The following CIC variants were observed in gnomAD, a reference collection of about 807,000 sequenced individuals.
CIC encodes protein capicua homolog.
Under a neutral mutation model 115.7 loss-of-function variants are expected in CIC, and 18 were observed. That is an observed-to-expected ratio of 0.16 (90% CI 0.11 to 0.23). The LOEUF (loss-of-function observed/expected upper bound fraction) is 0.23. Ranked by LOEUF, CIC falls within the 10% of genes least tolerant of loss-of-function variation. CIC has a pLI of 1.00. For synonymous variants in CIC, 1,076 were observed against 923.0 expected, an observed-to-expected ratio of 1.17 and a Z score of -3.01; for missense variants, 2,000 against 2,159.3, an observed-to-expected ratio of 0.93 and a Z score of 1.46.
rs758522775 is a variant in CIC at position 42,292,485 on chromosome 19, GGC to G, written c.5902+20_5902+21del. On this transcript the variant is annotated intron_variant, in intron 14 of 20. Coordinates refer to ENST00000681038, the MANE Select transcript of CIC (RefSeq NM_001386298.1). ...CTCTCAGGTGAGGGGCGGCCTGGCA[GGC>G]AGTGCTGGGGACCCAGGGTGGGGCT... The G allele has an allele frequency of 3.1e-6, 5 of 1,611,034 alleles. No individual in the cohort carries two copies. The African/African-American group carries it at 6.7e-5, about 22-fold the overall frequency.
chr19:42,284,432 C>A (rs905632151), intron 2 of CIC: 2 of 144,758 alleles, frequency 1.4e-5, no homozygotes, highest in Non-Finnish European at 3.1e-5. Context: ...CGTGACGGCC[C>A]CCGCGCGCGC....
rs375561179 is a variant in CIC, at chr19:42,287,496, C to T, written c.3309+47C>T. ...TGTGCTCACCCCGTGGCCACCCACA[C>T]CTGTCTGCCAGGTCCTAACTGTCCC... On this transcript the variant is annotated intron_variant, in intron 5 of 20. Coordinates refer to ENST00000681038, the MANE Select transcript of CIC (RefSeq NM_001386298.1). The surrounding 1 kb of genome is among the most constrained non-coding windows in gnomAD (Gnocchi z 8.7). The T allele has an allele frequency of 1.2e-6, 2 of 1,612,336 alleles. No homozygotes were observed. The highest frequency in any genetic ancestry group is 1.7e-6 in the Non-Finnish European group (2 of 1,180,024).
chr19:42,271,199 T>TA, intron 1 of CIC, among the ~76,000 whole-genome samples: 1 of 152,258 alleles, frequency 6.6e-6, no homozygotes, highest in South Asian at 2.1e-4. Context: ...ACAGTGCGAG[T>TA]AAATGTGCCC....
chr19:42,294,225 A>G lies in CIC; in HGVS notation c.6975A>G (p.Arg2325=), dbSNP rs545171189. Residue 2325 remains arginine (R), a synonymous_variant, in exon 19 of 21, where the codon AGA becomes AGG. Transcript: ENST00000681038. ...DPTSPKRKMR[R]RSSCSSEPNT... ...CCTCGCCCAAGCGCAAGATGAGAAG[A>G]CGCTCCAGCTGCAGCTCGGAGCCCA... The G allele has an allele frequency of 3.8e-5, 62 of 1,613,716 alleles. No homozygotes were observed. The South Asian group carries it at 6.4e-4, about 17-fold the overall frequency.
Position 42,295,026 on chromosome 19 carries a change from A to C in CIC, c.7389A>C (p.Ala2463=), listed in dbSNP as rs1406358370. ...AAAPAPTPSP[A]GGPDPTSPSS... is the part of the protein sequence containing the mutation. ...CCCCTGCCCCCACTCCCAGCCCCGC[A>C]GGGGGCCCTGACCCCACCTCACCCA... is the stretch of plus-strand genomic sequence containing the variant. Residue 2463 remains alanine (A), a synonymous_variant, in exon 21 of 21, where the codon GCA becomes GCC. Transcript: ENST00000681038. 3.9e-6 allele frequency: 6 copies of C among 1,530,470 alleles called. No individual in the cohort carries two copies. The highest frequency in any genetic ancestry group is 5.2e-6 in the Non-Finnish European group (6 of 1,150,930). 94.8% of individuals were successfully genotyped at this position (1,530,470 alleles called of 1,614,324 possible). A position where few individuals can be genotyped will look rare whatever the true frequency, so the allele number is the denominator to read the frequency against.
intron 9 of CIC, 123 bp downstream of exon 9, chr19:42,289,529 C>A: frequency 8.7e-7 from 1 of 1,148,566 alleles, no homozygotes; most frequent in Non-Finnish European, 1.3e-6. Context: ...TTTATGGTTG[C>A]ATGTGGCCAG....
rs1414627597 is a variant in CIC, at chr19:42,295,031, G to T, written c.7394G>T (p.Gly2465Val). 5 of 1,574,082 alleles carry T rather than the reference G, an allele frequency of 3.2e-6. No homozygotes were observed. The highest frequency in any genetic ancestry group is 1.8e-5 in the Admixed American group (1 of 55,872). The change falls in exon 21 of 21, where the codon GGC becomes GTC. Residue 2465 changes from glycine to valine, a missense_variant. This residue lies in a region of CIC where 133 missense variants were observed against 116.0 expected (regional missense o/e 1.15). Transcript: ENST00000681038. ...APAPTPSPAG[G>V]PDPTSPSSDS... ...GCCCCCACTCCCAGCCCCGCAGGGGGCCCTGACCCCACCTCACCCAGCTCG... is the reference window on the plus strand; with the variant it reads ...GCCCCCACTCCCAGCCCCGCAGGGGTCCCTGACCCCACCTCACCCAGCTCG...
At chr19:42,288,137 C>T (rs961948169) in intron 7 of CIC, among the ~76,000 whole-genome samples, 162 bp downstream of exon 7, 10 of 146,444 alleles carry the variant, frequency 6.8e-5, no homozygotes, top group Non-Finnish European at 3.0e-5. Flanking sequence ...ATTCATGTGA[C>T]GGAGCCAGGG....
rs1291151509 is a variant in CIC, at chr19:42,272,162, G to A, written c.379G>A (p.Gly127Arg). The A allele has an allele frequency of 5.0e-6, 2 of 398,928 alleles. No individual in the cohort carries two copies. The highest frequency in any genetic ancestry group is 8.8e-6 in the Non-Finnish European group (2 of 226,386). 24.7% of individuals were successfully genotyped at this position (398,928 alleles called of 1,614,324 possible). Reference protein sequence around the residue: ...APKKKYVEEHGAGSSGVAGAP... With the variant: ...APKKKYVEEHRAGSSGVAGAP... ...CAAGAAGAAGTATGTGGAGGAGCAC[G>A]GAGCTGGCAGCAGTGGGGTGGCTGG... is the stretch of plus-strand genomic sequence containing the variant. The change falls in exon 2 of 21, where the codon GGA becomes AGA. Residue 127 changes from glycine (G) to arginine (R), a missense_variant. Gly to Arg is a moderately radical substitution (Grantham distance 125, BLOSUM62 -2). Around this residue, in one of 8 missense-constraint regions of CIC, gnomAD observed 222 missense variants for 247.7 expected, o/e 0.90. Transcript: ENST00000681038.
Position 42,294,850 on chromosome 19 carries a change from C to T in CIC, c.7213C>T (p.Arg2405Cys), listed in dbSNP as rs554980796. The change falls in exon 21 of 21, where the codon CGC becomes TGC. Residue 2405 changes from arginine (R) to cysteine (C), a missense_variant. This residue lies in a region of CIC where 17 missense variants were observed against 17.8 expected (regional missense o/e 0.95). Coordinates refer to ENST00000681038, the MANE Select transcript of CIC (RefSeq NM_001386298.1). ...CCAGGCCACAGCCGCCTTCCAGGCC[C>T]GCTATGCAGACATCTTTCCCTCCAA... Reference protein sequence around the residue: ...SAQATAAFQARYADIFPSKVC... With the variant: ...SAQATAAFQACYADIFPSKVC... 1.6e-5 allele frequency: 26 copies of T among 1,601,390 alleles called. No individual in the cohort carries two copies. Among genetic ancestry groups the T allele is most frequent in the African/African-American group, 2.7e-5 (2 of 75,038 alleles).
At position 42,271,875 on chromosome 19, in the gene CIC, G is replaced by A. The variant is rs1047691694; in HGVS notation, c.92G>A (p.Arg31Gln). The change falls in exon 2 of 21, where the codon CGG (arginine) becomes CAG (glutamine). Residue 31 changes from arginine (R) to glutamine (Q), a missense_variant. Physicochemically the swap from Arg to Gln is conservative, Grantham distance 43. This residue lies in a region of CIC where 222 missense variants were observed against 247.7 expected (regional missense o/e 0.90). Coordinates refer to ENST00000681038, the MANE Select transcript of CIC (RefSeq NM_001386298.1). ...GCCACCAGGGCCAAGGCTCTGAGGC[G>A]GCGAGGGGCTGGGGAGGGTGACAAG... ...PPATRAKALR[R>Q]RGAGEGDKPE... 2.5e-6 allele frequency: 1 copy of A among 398,872 alleles called. No homozygotes were observed. The highest frequency in any genetic ancestry group is 4.4e-6 in the Non-Finnish European group (1 of 226,242). 24.7% of individuals were successfully genotyped at this position (398,872 alleles called of 1,614,324 possible). A position where few individuals can be genotyped will look rare whatever the true frequency, so the allele number is the denominator to read the frequency against.
Position 42,294,200 on chromosome 19 carries a change from C to T in CIC, c.6950C>T (p.Thr2317Ile), listed in dbSNP as rs767342723. 4.3e-6 allele frequency: 7 copies of T among 1,613,750 alleles called. No homozygotes were observed. In the East Asian group the frequency reaches 1.3e-4, roughly 31 times the overall value. ...TDLDSAPEDP[T>I]SPKRKMRRRS... ...CTGGATTCAGCACCCGAGGACCCCA[C>T]CTCGCCCAAGCGCAAGATGAGAAGA... Residue 2317 changes from threonine (T) to isoleucine (I), a missense_variant, in exon 19 of 21, where the codon ACC (threonine) becomes ATC (isoleucine). Coordinates refer to ENST00000681038, the MANE Select transcript of CIC (RefSeq NM_001386298.1).
In CIC at chr19:42,294,058, C is replaced by G; in HGVS notation, c.6891C>G (p.Gly2297=). The change falls in exon 18 of 21, where the codon GGC becomes GGG. Residue 2297 remains glycine (G), a synonymous_variant. Transcript: ENST00000681038. ...SLATSPRAIL[G]SYRKKRKNST... Reference sequence around the variant, plus strand: ...CCACCTCACCCCGGGCCATCCTGGGCTCTTACCGCAAGAAGAGGAAGAACT... The same window carrying G: ...CCACCTCACCCCGGGCCATCCTGGGGTCTTACCGCAAGAAGAGGAAGAACT... The G allele has an allele frequency of 6.2e-7, 1 of 1,613,616 alleles. No homozygotes were observed. Among genetic ancestry groups the G allele is most frequent in the South Asian group, 1.1e-5 (1 of 91,084 alleles).
chr19:42,287,292 C>T lies in CIC; in HGVS notation c.3180-28C>T, dbSNP rs2147187282. 6.2e-7 allele frequency: 1 copy of T among 1,614,040 alleles called. No individual in the cohort carries two copies. The highest frequency in any genetic ancestry group is 8.5e-7 in the Non-Finnish European group (1 of 1,180,014). ...GGGGTGGGATGGCCAGAGACATGGC[C>T]CTCACTGTCCCTGCTGCCCCGCCGC... is the stretch of plus-strand genomic sequence containing the variant. On this transcript the variant is annotated intron_variant, in intron 4 of 20. Transcript: ENST00000681038. This position sits in a 1 kb window ranked among gnomAD's most constrained non-coding sequence, Gnocchi z 8.7.
Position 42,270,749 on chromosome 19 carries a change from G to A in CIC, c.-10-1025G>A, listed in dbSNP as rs533624530. Among the ~76,000 whole-genome samples the A allele has an allele frequency of 6.6e-6, 1 of 151,938 alleles. No homozygotes were observed. Among genetic ancestry groups the A allele is most frequent in the Non-Finnish European group, 1.5e-5 (1 of 67,940 alleles). Reference sequence around the variant, plus strand: ...TTGCGGGTATCACGCTGGGTGCTGTGGGGGGAGGAGCAGGCTCCCATCCAG... The same window carrying A: ...TTGCGGGTATCACGCTGGGTGCTGTAGGGGGAGGAGCAGGCTCCCATCCAG... On this transcript the variant is annotated intron_variant, in intron 1 of 20. Transcript: ENST00000681038. This position sits in a 1 kb window ranked among gnomAD's most constrained non-coding sequence, Gnocchi z 4.1.
intron 7 of CIC, 63 bp downstream of exon 7, chr19:42,288,038 C>T: frequency 6.5e-7 from 1 of 1,536,196 alleles, no homozygotes; most frequent in East Asian, 2.4e-5. Context: ...CCAGCTACCC[C>T]CTTGCTTGCT....
At chr19:42,268,852 C>T (rs1278509331), upstream of CIC, among the ~76,000 whole-genome samples, 1 of 152,208 alleles carries the variant, frequency 6.6e-6, no homozygotes, top group Admixed American at 6.5e-5. Flanking sequence ...ACAACCCGTC[C>T]CTTAGCCCCT....
intron 15 of CIC, 39 bp downstream of exon 15, chr19:42,292,898 G>A (rs765468243): frequency 1.5e-5 from 24 of 1,613,930 alleles, no homozygotes; most frequent in South Asian, 2.2e-5. Flanking sequence ...TGAGTTGGGG[G>A]ACCCAGGGGA....
At chr19:42,286,341 G>A (rs2037638724) in intron 2 of CIC, among the ~76,000 whole-genome samples, 1 of 152,108 alleles carries the variant, frequency 6.6e-6, no homozygotes, top group African/African-American at 2.4e-5. Context: ...GCCAAGGTGA[G>A]ACGCTGTGTT....
Sources: allele counts gnomAD v4.1 joint callset (sites outside exome capture counted in the v4.1 genomes callset), GRCh38; gene constraint gnomAD v4.1.1; regional missense constraint gnomAD v4.1.1; non-coding constraint Gnocchi (gnomAD v3.1); transcripts MANE v1.5; gene names NCBI Gene and HGNC (gene_info 2026-07-23, HGNC 2026-07-21).